RPS6KA2: variants seen among roughly 807,000 people sequenced by gnomAD.
RPS6KA2 encodes the protein ribosomal protein S6 kinase A2.
In RPS6KA2, 42 loss-of-function variants were observed where a neutral mutation model predicts 91.8. The observed-to-expected ratio is 0.46, with a 90% CI of 0.36 to 0.59. The LOEUF (loss-of-function observed/expected upper bound fraction) is 0.59. Among genes scored for constraint, RPS6KA2 ranks in the 20% least tolerant of loss-of-function variants. The pLI is 0.00. For synonymous variants in RPS6KA2, 414 were observed against 393.6 expected (o/e 1.05, Z -0.61); for missense variants, 798 against 978.5 (o/e 0.82, Z 2.46).
At chr6:166,586,732 G>C (rs972642905) in intron 1 of RPS6KA2, among the ~76,000 whole-genome samples, 1 of 152,114 alleles carries the variant, frequency 6.6e-6, no homozygotes, top group Admixed American at 6.5e-5. Context: ...TACCAGAGGA[G>C]GAAAGAAAAA....
chr6:166,854,520 A>G (rs971192239), intron 2 of RPS6KA2, among the ~76,000 whole-genome samples: 1 of 152,228 alleles, frequency 6.6e-6, no homozygotes, highest in Non-Finnish European at 1.5e-5. Flanking sequence ...TGCCTGGCCT[A>G]CAGATTATCA....
At chr6:166,822,276 G>C (rs746646653) in intron 2 of RPS6KA2, among the ~76,000 whole-genome samples, 1 of 152,212 alleles carries the variant, frequency 6.6e-6, no homozygotes, top group Non-Finnish European at 1.5e-5. Context: ...TGAAGACAAG[G>C]CCTTCTAAGA....
intron 3 of RPS6KA2, among the ~76,000 whole-genome samples, chr6:166,523,589 T>C (rs572490090): frequency 6.6e-6 from 1 of 152,280 alleles, no homozygotes; most frequent in East Asian, 1.9e-4. Flanking sequence ...ATAATAATAA[T>C]AACAGTCCTC....
At chr6:166,710,648 A>G (rs901345761) in intron 2 of RPS6KA2, among the ~76,000 whole-genome samples, 8 of 152,106 alleles carry the variant, frequency 5.3e-5, no homozygotes, top group African/African-American at 1.9e-4. Context: ...TTCCAGGAAG[A>G]TGGACTAGGC....
chr6:166,659,943 G>C (rs1392677084), intron 2 of RPS6KA2, among the ~76,000 whole-genome samples: 1 of 147,114 alleles, frequency 6.8e-6, no homozygotes, highest in African/African-American at 2.5e-5. Flanking sequence ...TTTTTTTTTA[G>C]ACACAAGGTC....
At chr6:166,621,011 G>A (rs755384486) in intron 1 of RPS6KA2, among the ~76,000 whole-genome samples, 15 of 152,302 alleles carry the variant, frequency 9.8e-5, no homozygotes, top group Middle Eastern at 3.4e-3. Flanking sequence ...CTACCTCCAC[G>A]GGGCAAGGCA....
At chr6:166,482,188 A>T (rs1781250152) in intron 10 of RPS6KA2, among the ~76,000 whole-genome samples, 1 of 152,278 alleles carries the variant, frequency 6.6e-6, no homozygotes, top group East Asian at 1.9e-4. Context: ...TATGTGCTGC[A>T]GCGTGGAGGG....
chr6:166,593,866 T>A (rs1785439094), intron 1 of RPS6KA2, among the ~76,000 whole-genome samples: 3 of 152,158 alleles, frequency 2.0e-5, no homozygotes, highest in African/African-American at 7.2e-5. Context: ...TAAAATGATA[T>A]CAAAAATTCT....
intron 3 of RPS6KA2, among the ~76,000 whole-genome samples, chr6:166,523,042 T>C (rs578214223): frequency 6.6e-6 from 1 of 152,330 alleles, no homozygotes; most frequent in African/African-American, 2.4e-5. Flanking sequence ...GCAGAGGTAT[T>C]AAAGATGACA....
At position 166,554,377 on chromosome 6, in the gene RPS6KA2, T is replaced by C. The variant is rs899722482; in HGVS notation, c.100-15593A>G. On this transcript the variant is annotated intron_variant, in intron 1 of 20. Transcript: ENST00000265678. This position sits in a 1 kb window ranked among gnomAD's most constrained non-coding sequence, Gnocchi z 4.3. ...CAGTTTTATGAAGCTGAATGTGATA[T>C]AAAGCTTAACCTGCCTCCTTTTGTT... Among the ~76,000 whole-genome samples, 18 of 152,248 alleles carry C rather than the reference T, an allele frequency of 1.2e-4. No homozygotes were observed. The highest frequency in any genetic ancestry group is 3.9e-4 in the African/African-American group (16 of 41,476).
intron 1 of RPS6KA2, among the ~76,000 whole-genome samples, chr6:166,620,458 T>A (rs1214626355): frequency 2.6e-5 from 4 of 152,164 alleles, no homozygotes; most frequent in Non-Finnish European, 5.9e-5. Context: ...AAGTCTGTTT[T>A]CCAAGAGGGG....
chr6:166,824,421 A>T (rs991512130), intron 2 of RPS6KA2, among the ~76,000 whole-genome samples: 3 of 152,230 alleles, frequency 2.0e-5, no homozygotes, highest in African/African-American at 7.2e-5. Context: ...TCACTCTGCA[A>T]GATGCCTGGG....
chr6:166,431,214 C>T (rs994758703), intron 15 of RPS6KA2, among the ~76,000 whole-genome samples: 2 of 152,174 alleles, frequency 1.3e-5, no homozygotes, highest in African/African-American at 4.8e-5. Context: ...AGGCGTGAGC[C>T]ATAGTGCCTG....
chr6:166,808,941 G>A lies in RPS6KA2; in HGVS notation c.123+49259C>T, dbSNP rs561226146. ...CTGTGAAAAAACAGGGTACAGAGGC[G>A]AGACTTGACCTAGTAAATATAGACT... On this transcript the variant is annotated intron_variant, in intron 2 of 21. Coordinates refer to the RPS6KA2 transcript ENST00000503859. 3.6e-4 allele frequency among the ~76,000 whole-genome samples: 55 copies of A among 152,304 alleles called. 1 individual carries two copies. In the South Asian group the frequency reaches 0.01, roughly 29 times the overall value.
rs1255230637 is a variant in RPS6KA2, at chr6:166,679,886, GA to G, written c.124-141103del. On this transcript the variant is annotated intron_variant, in intron 2 of 21. Coordinates refer to the RPS6KA2 transcript ENST00000503859. ...CCAGCGCCTGCTGGGCTTGATGGGGGACGAGCTCCCTCTGGGCTGCAGGAGT... is the reference window on the plus strand; with the variant it reads ...CCAGCGCCTGCTGGGCTTGATGGGGGCGAGCTCCCTCTGGGCTGCAGGAGT... Among the ~76,000 whole-genome samples, 4 of 152,384 alleles carry G rather than the reference GA, an allele frequency of 2.6e-5. No homozygotes were observed. The South Asian group carries it at 6.2e-4, about 24-fold the overall frequency.
chr6:166,594,679 G>T (rs1329541200), intron 1 of RPS6KA2, among the ~76,000 whole-genome samples: 1 of 152,142 alleles, frequency 6.6e-6, no homozygotes, highest in Non-Finnish European at 1.5e-5. Flanking sequence ...AGCCAGGATG[G>T]TCTCGATCTC....
intron 2 of RPS6KA2, among the ~76,000 whole-genome samples, chr6:166,742,846 G>A (rs1790854414): frequency 6.6e-6 from 1 of 152,230 alleles, no homozygotes. Context: ...AAAACACTGA[G>A]AAGCCAGACA....
intron 2 of RPS6KA2, among the ~76,000 whole-genome samples, chr6:166,808,106 A>G (rs845668): frequency 0.58 from 87,681 of 151,672 alleles, 25,648 homozygotes; most frequent in East Asian, 0.65. Context: ...TCGGGATGCA[A>G]CACCATGTTC....
At chr6:166,507,308 T>C (rs1376918374) in intron 5 of RPS6KA2, among the ~76,000 whole-genome samples, 2 of 151,800 alleles carry the variant, frequency 1.3e-5, no homozygotes, top group Admixed American at 1.3e-4. Flanking sequence ...CCTGGGACGA[T>C]TGCTAGGGCC....
Sources: gnomAD v4.1 joint callset for allele counts (sites outside exome capture counted in the v4.1 genomes callset) on GRCh38, gnomAD v4.1.1 for gene constraint, Gnocchi (gnomAD v3.1) non-coding constraint, MANE v1.5 for transcripts, NCBI Gene and HGNC (gene_info 2026-07-23, HGNC 2026-07-21) for gene names.